TAMM41: variants seen among roughly 807,000 people sequenced by gnomAD.
TAMM41 encodes the protein TAM41 mitochondrial translocator assembly and maintenance homolog, also known as phosphatidate cytidylyltransferase, mitochondrial.
In TAMM41, 36 loss-of-function variants were observed where a neutral mutation model predicts 44.1. The ratio of observed to expected loss-of-function variants is 0.82; its 90% CI spans 0.63 to 1.08. The LOEUF is 1.08. TAMM41 is among the 50% of genes least tolerant of loss of function. The pLI is 0.00. For missense variants in TAMM41, 417 were observed against 404.3 expected (o/e 1.03, Z -0.27); for synonymous variants, 164 against 153.1 (o/e 1.07, Z -0.53).
chr3:11,841,072 TA>T (rs2079413986), intron 2 of TAMM41, among the ~76,000 whole-genome samples: 5 of 115,948 alleles, frequency 4.3e-5, no homozygotes, highest in Admixed American at 9.9e-5. Flanking sequence ...AGCCCATTTC[TA>T]TTTTTTTTTT....
At chr3:11,759,458 ACCTCCTGAGGGAACT>A in the TAMM41 span, among the ~76,000 whole-genome samples, 2 of 151,618 alleles carry the variant, frequency 1.3e-5, no homozygotes, top group African/African-American at 4.9e-5. Flanking sequence ...CTACCCCAGC[ACCTCCTGAGGGAACT>A]CCTTCAACCT....
At chr3:11,790,847 T>C (rs1475690616) in intron 7 of TAMM41, among the ~76,000 whole-genome samples, 1 of 152,254 alleles carries the variant, frequency 6.6e-6, no homozygotes, top group African/African-American at 2.4e-5. Flanking sequence ...TTTTGAGTTA[T>C]GAACATATTG....
At chr3:11,760,047 C>T in the TAMM41 span, among the ~76,000 whole-genome samples, 10 of 152,186 alleles carry the variant, frequency 6.6e-5, no homozygotes, top group African/African-American at 2.4e-4. Context: ...AGTGGACAGA[C>T]CTAATAATAA....
rs765012808 is a variant in TAMM41 at position 11,817,357 on chromosome 3, A to G, written c.563-20T>C. 10 of 1,596,632 alleles carry G rather than the reference A, an allele frequency of 6.3e-6. No individual in the cohort carries two copies. The Admixed American group carries it at 1.3e-4, about 21-fold the overall frequency. On this transcript the variant is annotated intron_variant, in intron 4 of 7. Transcript: ENST00000455809. ...AGTCACCTAGTTAAAACAAAGAGAT[A>G]AACACATCTTCCATTAAGAATCCAC... is the stretch of plus-strand genomic sequence containing the variant.
chr3:11,744,674 G>A, the TAMM41 span, among the ~76,000 whole-genome samples: 6 of 151,490 alleles, frequency 4.0e-5, no homozygotes, highest in South Asian at 2.1e-4. Context: ...CAGCCTAGGC[G>A]ACAGAGCAAG....
downstream of TAMM41, among the ~76,000 whole-genome samples, chr3:11,789,092 G>A (rs1027969992): frequency 6.6e-6 from 1 of 152,200 alleles, no homozygotes; most frequent in African/African-American, 2.4e-5. Context: ...AGGGGTGAGT[G>A]CACAGACCAG....
At chr3:11,846,038 C>G (rs1467417869) in intron 1 of TAMM41, among the ~76,000 whole-genome samples, 1 of 152,214 alleles carries the variant, frequency 6.6e-6, no homozygotes, top group Admixed American at 6.5e-5. Context: ...AGGTGACTCT[C>G]AACAAACTTG....
At chr3:11,799,765 A>ATAAGCTTCAT (rs2077701108) in intron 7 of TAMM41, among the ~76,000 whole-genome samples, 1 of 152,244 alleles carries the variant, frequency 6.6e-6, no homozygotes, top group African/African-American at 2.4e-5. Context: ...ATACACTGCA[A>ATAAGCTTCAT]AAAGGACTTC....
At chr3:11,800,310 T>C (rs1181713451) in intron 7 of TAMM41, among the ~76,000 whole-genome samples, 1 of 152,092 alleles carries the variant, frequency 6.6e-6, no homozygotes, top group Non-Finnish European at 1.5e-5. Context: ...AAACCTCACA[T>C]ATCAATATTA....
the TAMM41 span, among the ~76,000 whole-genome samples, chr3:11,783,100 T>C: frequency 3.9e-5 from 6 of 152,262 alleles, no homozygotes; most frequent in African/African-American, 4.8e-5. Context: ...GTCCTGCTTA[T>C]GTGCCAGAGT....
chr3:11,729,526 TTTTCTTTCTTTCA>T, the TAMM41 span, among the ~76,000 whole-genome samples: 50 of 117,112 alleles, frequency 4.3e-4, 6 homozygotes, highest in East Asian at 5.1e-3. Flanking sequence ...TCTTTCTTTC[TTTTCTTTCTTTCA>T]TTTTTTTTTT....
intron 6 of TAMM41, chr3:11,808,680 G>T: frequency 1.1e-6 from 1 of 912,184 alleles, no homozygotes; most frequent in Non-Finnish European, 1.3e-6. Flanking sequence ...ATTACCTTTA[G>T]CACCTTAAAG....
At chr3:11,789,495 T>C (rs76916594), downstream of TAMM41, among the ~76,000 whole-genome samples, 4,529 of 152,230 alleles carry the variant, frequency 0.03, 223 homozygotes, top group African/African-American at 0.1. Flanking sequence ...TCCCAACAGC[T>C]CTTTCTCCTC....
chr3:11,725,439 C>CCTT, the TAMM41 span, among the ~76,000 whole-genome samples: 105 of 142,404 alleles, frequency 7.4e-4, no homozygotes, highest in Non-Finnish European at 1.4e-3. Flanking sequence ...TCCTCCTCCT[C>CCTT]CTCCTCCTCC....
intron 3 of TAMM41, among the ~76,000 whole-genome samples, chr3:11,831,521 G>T (rs1467993218): frequency 6.6e-6 from 1 of 151,988 alleles, no homozygotes; most frequent in Non-Finnish European, 1.5e-5. Flanking sequence ...TAAATCTTTT[G>T]GTACTATCGA....
chr3:11,788,413 G>A (rs1487397072), downstream of TAMM41, among the ~76,000 whole-genome samples: 5 of 152,140 alleles, frequency 3.3e-5, no homozygotes, highest in Non-Finnish European at 7.4e-5. Context: ...TCCCTCCCAA[G>A]TGGCTGGGAC....
chr3:11,846,600 A>G lies in TAMM41; in HGVS notation c.37T>C (p.Phe13Leu), dbSNP rs1041374058. The G allele has an allele frequency of 5.6e-6, 9 of 1,614,232 alleles. No homozygotes were observed. The highest frequency in any genetic ancestry group is 3.3e-5 in the South Asian group (3 of 91,086). ...LQTLQSSWVTFRKILSHFPEE... is the reference protein window; with the variant it reads ...LQTLQSSWVTLRKILSHFPEE... The stretch of plus-strand genomic sequence containing the variant: ...GGGAAGTGAGACAGGATCTTGCGGA[A>G]GGTCACCCACGAGCTCTGCAGCGTC... The change falls in exon 1 of 8, where the codon TTC becomes CTC. Residue 13 changes from phenylalanine (F) to leucine (L), a missense_variant. Physicochemically the swap from Phe to Leu is conservative, Grantham distance 22. Coordinates refer to ENST00000455809, the MANE Select transcript of TAMM41 (RefSeq NM_001284401.2).
chr3:11,822,360 T>A (rs777551998), intron 4 of TAMM41, among the ~76,000 whole-genome samples: 34 of 152,246 alleles, frequency 2.2e-4, no homozygotes, highest in Non-Finnish European at 4.6e-4. Flanking sequence ...TCAGTATTTT[T>A]AATTCTGTTT....
At chr3:11,761,349 C>T in the TAMM41 span, among the ~76,000 whole-genome samples, 2 of 152,060 alleles carry the variant, frequency 1.3e-5, no homozygotes, top group African/African-American at 4.8e-5. Flanking sequence ...TCTTGATCAC[C>T]CCAGTTTCTC....
Sources: gnomAD v4.1 joint callset for allele counts (sites outside exome capture counted in the v4.1 genomes callset) on GRCh38, gnomAD v4.1.1 for gene constraint, MANE v1.5 for transcripts, NCBI Gene and HGNC (gene_info 2026-07-23, HGNC 2026-07-21) for gene names.